The following KIAA0753 variants were observed in gnomAD, a reference collection of about 807,000 sequenced individuals.
KIAA0753 encodes the protein protein moonraker.
Under a neutral mutation model 116.9 loss-of-function variants are expected in KIAA0753, and 114 were observed. The ratio of observed to expected loss-of-function variants is 0.98; its 90% CI spans 0.84 to 1.14. The LOEUF (loss-of-function observed/expected upper bound fraction) is 1.14. Among genes scored for constraint, KIAA0753 ranks in the 50% most tolerant of loss-of-function variants. The pLI, the probability that KIAA0753 is intolerant of heterozygous loss-of-function variation, is 0.00. For synonymous variants in KIAA0753, 405 were observed against 413.1 expected (o/e 0.98, Z 0.24); for missense variants, 1,156 against 1,172.4 (o/e 0.99, Z 0.20).
At chr17:6,606,251 T>A (rs761617496) in intron 12 of KIAA0753, among the ~76,000 whole-genome samples, 31 of 152,230 alleles carry the variant, frequency 2.0e-4, no homozygotes, top group Non-Finnish European at 2.4e-4. Flanking sequence ...AACCTGAGAC[T>A]GAACACTCCA....
At chr17:6,627,234 G>A (rs908916364) in intron 3 of KIAA0753, among the ~76,000 whole-genome samples, 1 of 152,062 alleles carries the variant, frequency 6.6e-6, no homozygotes, top group Admixed American at 6.6e-5. Context: ...CTCATCCCTA[G>A]TAAATGTTTT....
At chr17:6,630,850 C>G (rs1971982458) in intron 2 of KIAA0753, among the ~76,000 whole-genome samples, 1 of 152,160 alleles carries the variant, frequency 6.6e-6, no homozygotes, top group Non-Finnish European at 1.5e-5. Flanking sequence ...ATTTATAATA[C>G]ACTACCCTTC....
intron 3 of KIAA0753, among the ~76,000 whole-genome samples, chr17:6,626,660 G>A (rs970124247): frequency 9.2e-5 from 14 of 152,274 alleles, no homozygotes; most frequent in Middle Eastern, 3.4e-3. Flanking sequence ...AGGGGCCATC[G>A]CAAAATATTA....
chr17:6,586,923 T>A (rs1968618336), intron 18 of KIAA0753, among the ~76,000 whole-genome samples: 1 of 152,210 alleles, frequency 6.6e-6, no homozygotes, highest in South Asian at 2.1e-4. Flanking sequence ...ATAACTCTCA[T>A]CTTTGGAATA....
At chr17:6,633,977 T>C (rs910018477) in intron 2 of KIAA0753, among the ~76,000 whole-genome samples, 8 of 152,120 alleles carry the variant, frequency 5.3e-5, no homozygotes, top group African/African-American at 1.9e-4. Context: ...CACATATGTA[T>C]GCATTTGTCA....
chr17:6,640,030 T>A (rs1237221689), intron 1 of KIAA0753: 1 of 152,746 alleles, frequency 6.5e-6, no homozygotes, highest in Non-Finnish European at 1.5e-5. Context: ...TCCCAAAGCC[T>A]CATTCGCCCC....
At chr17:6,610,276 A>C in intron 8 of KIAA0753, 116 bp from the exon 9 acceptor site, 1 of 1,103,656 alleles carries the variant, frequency 9.1e-7, no homozygotes, top group South Asian at 1.6e-5. Context: ...CATTCGGTAA[A>C]ACCTGAGTAG....
chr17:6,624,975 GA>G (rs1466851601), intron 3 of KIAA0753, 114 bp from the exon 4 acceptor site: 30 of 717,440 alleles, frequency 4.2e-5, no homozygotes, highest in Non-Finnish European at 6.8e-5. Context: ...GTTTTATTAA[GA>G]AAAAAATGAG....
At position 6,578,640 on chromosome 17, in the gene KIAA0753, C is replaced by A. The variant is rs1434249263; in HGVS notation, c.*1107G>T. On this transcript the variant is annotated 3_prime_UTR_variant, in exon 19 of 19. Transcript: ENST00000361413. ...CACTGGACAGGTTATAAAGAGTTCCCTTATTCCCTGGGGGCGTCTCAGGCA... is the reference window on the plus strand; with the variant it reads ...CACTGGACAGGTTATAAAGAGTTCCATTATTCCCTGGGGGCGTCTCAGGCA... 2.0e-5 allele frequency: 3 copies of A among 152,182 alleles called. No individual in the cohort carries two copies. The highest frequency in any genetic ancestry group is 4.4e-5 in the Non-Finnish European group (3 of 68,028). 9.4% of individuals were successfully genotyped at this position (152,182 alleles called of 1,614,324 possible).
intron 12 of KIAA0753, among the ~76,000 whole-genome samples, chr17:6,601,265 C>G (rs116805744): frequency 0.012 from 1,807 of 152,312 alleles, 45 homozygotes; most frequent in African/African-American, 0.042. Context: ...ATACAGCCGC[C>G]TCTTTCCAAC....
chr17:6,596,357 T>C lies in KIAA0753; in HGVS notation c.2173-14A>G. On this transcript the variant is annotated splice_polypyrimidine_tract_variant and intron_variant, in intron 14 of 18. Transcript: ENST00000361413. ...AACAGCTGCAACCTACAAGATGGGG[T>C]GGGGTGGGGAGGAGAGGCATGGGGT... 1 of 1,178,782 alleles carries C rather than the reference T, an allele frequency of 8.5e-7. No individual in the cohort carries two copies. Among genetic ancestry groups the C allele is most frequent in the Non-Finnish European group, 1.1e-6 (1 of 895,346 alleles). 73.0% of individuals were successfully genotyped at this position (1,178,782 alleles called of 1,614,324 possible). A position where few individuals can be genotyped will look rare whatever the true frequency, so the allele number is the denominator to read the frequency against.
rs1053361107 is a variant in KIAA0753 at position 6,578,239 on chromosome 17, A to G, written c.*1508T>C. On this transcript the variant is annotated 3_prime_UTR_variant, in exon 19 of 19. Coordinates refer to ENST00000361413, the MANE Select transcript of KIAA0753 (RefSeq NM_014804.3). ...AATCCACTATAGTCATATCACATATAAAAGTATTCTCAGTGGTTTCTGTAA... is the reference window on the plus strand; with the variant it reads ...AATCCACTATAGTCATATCACATATGAAAGTATTCTCAGTGGTTTCTGTAA... The G allele has an allele frequency of 6.6e-6, 1 of 152,200 alleles. No individual in the cohort carries two copies. Among genetic ancestry groups the G allele is most frequent in the Admixed American group, 6.5e-5 (1 of 15,280 alleles). 9.4% of individuals were successfully genotyped at this position (152,200 alleles called of 1,614,324 possible).
chr17:6,600,297 G>A lies in KIAA0753; in HGVS notation c.2088+83C>T, dbSNP rs570934022. ...CCACAGAGACACTTAGCCCTATAAA[G>A]GATCAATGAGACCTCTGCAGCAACT... On this transcript the variant is annotated intron_variant, in intron 13 of 18. Transcript: ENST00000361413. 4 of 1,036,336 alleles carry A rather than the reference G, an allele frequency of 3.9e-6. No individual in the cohort carries two copies. In the South Asian group the frequency reaches 5.2e-5, roughly 14 times the overall value. 64.2% of individuals were successfully genotyped at this position (1,036,336 alleles called of 1,614,324 possible). A position where few individuals can be genotyped will look rare whatever the true frequency, so the allele number is the denominator to read the frequency against.
intron 8 of KIAA0753, among the ~76,000 whole-genome samples, chr17:6,611,472 G>GTA (rs1970542875): frequency 6.6e-6 from 1 of 151,646 alleles, no homozygotes; most frequent in Non-Finnish European, 1.5e-5. Context: ...GGCTAATTTT[G>GTA]TTTTTAGTAG....
At chr17:6,625,598 C>T (rs866667147) in intron 3 of KIAA0753, among the ~76,000 whole-genome samples, 3 of 151,658 alleles carry the variant, frequency 2.0e-5, no homozygotes, top group East Asian at 3.9e-4. Context: ...ACCCAGGAGG[C>T]GGAGGTTGCA....
intron 12 of KIAA0753, 145 bp from the exon 13 acceptor site, chr17:6,600,603 T>C: frequency 3.2e-6 from 2 of 621,930 alleles, no homozygotes; most frequent in South Asian, 3.8e-5. Context: ...CCTGGGGATC[T>C]TGTGAAAATG....
intron 2 of KIAA0753, 174 bp downstream of exon 2, chr17:6,634,837 G>T: frequency 5.3e-6 from 3 of 563,226 alleles, no homozygotes; most frequent in South Asian, 2.2e-5. Flanking sequence ...ATTTGCTTTG[G>T]GGTGATTCTG....
At chr17:6,610,281 G>T in intron 8 of KIAA0753, 121 bp from the exon 9 acceptor site, 7 of 905,090 alleles carry the variant, frequency 7.7e-6, no homozygotes, top group Non-Finnish European at 1.1e-5. Flanking sequence ...GGTAAAACCT[G>T]AGTAGAAAGC....
intron 17 of KIAA0753, 120 bp downstream of exon 17, chr17:6,590,390 G>T: frequency 8.2e-7 from 1 of 1,215,646 alleles, no homozygotes; most frequent in Non-Finnish European, 1.2e-6. Flanking sequence ...TTGGAGTTTG[G>T]CAAGATCTTG....
Sources: gnomAD v4.1 joint callset for allele counts (sites outside exome capture counted in the v4.1 genomes callset) on GRCh38, gnomAD v4.1.1 for gene constraint, MANE v1.5 for transcripts, NCBI Gene and HGNC (gene_info 2026-07-23, HGNC 2026-07-21) for gene names.